The following RGS20 variants were observed in gnomAD, a reference collection of about 807,000 sequenced individuals.
RGS20 encodes gz-selective GTPase-activating protein.
RGS20 carries 30 observed loss-of-function variants against 33.6 expected under a neutral mutation model. The observed-to-expected ratio is 0.89, with a 90% CI of 0.67 to 1.21. RGS20 has a LOEUF of 1.21. Among genes scored for constraint, RGS20 ranks in the 50% most tolerant of loss-of-function variants. The pLI is 0.00. For missense variants in RGS20, 472 were observed against 502.4 expected, an observed-to-expected ratio of 0.94 and a Z score of 0.58; for synonymous variants, 208 against 197.9, an observed-to-expected ratio of 1.05 and a Z score of -0.43.
In RGS20 at chr8:53,895,341, T is replaced by A. The variant is rs139140889; in HGVS notation, c.510+15739T>A. 6.5e-3 allele frequency among the ~76,000 whole-genome samples: 983 copies of A among 152,204 alleles called. 8 individuals carry two copies. The highest frequency in any genetic ancestry group is 0.022 in the African/African-American group (929 of 41,520). ...GGTGCCAGGCAGCTGGTTGGATCTG[T>A]GTGTATGGCACCCAGGGAATGGCCT... On this transcript the variant is annotated intron_variant, in intron 2 of 5. Coordinates refer to ENST00000297313, the MANE Select transcript of RGS20 (RefSeq NM_170587.4).
chr8:53,949,522 G>A lies in RGS20; in HGVS notation c.743+2774G>A, dbSNP rs911984314. Among the ~76,000 whole-genome samples, 7 of 151,868 alleles carry A rather than the reference G, an allele frequency of 4.6e-5. No individual in the cohort carries two copies. In the East Asian group the frequency reaches 1.3e-3, roughly 29 times the overall value. ...ACCTGAGGTCAGGAGTTTGAGACCA[G>A]CCTGGCTGACATGGTGAAACCCCTT... On this transcript the variant is annotated intron_variant, in intron 4 of 5. Transcript: ENST00000297313.
chr8:53,909,223 A>G (rs1360983142), intron 2 of RGS20, among the ~76,000 whole-genome samples: 19 of 120,578 alleles, frequency 1.6e-4, no homozygotes, highest in African/African-American at 6.2e-4. Flanking sequence ...ATATATATAT[A>G]TATATATATA....
intron 2 of RGS20, 33 bp from the exon 1 acceptor site, chr8:53,880,839 C>T (rs899050657): frequency 9.4e-6 from 13 of 1,376,466 alleles, no homozygotes; most frequent in Admixed American, 3.1e-5. Context: ...ATTGCCCGGC[C>T]GGGTAAAAGG....
chr8:53,890,216 T>G (rs7839750), intron 2 of RGS20, among the ~76,000 whole-genome samples: 4,622 of 152,322 alleles, frequency 0.03, 244 homozygotes, highest in African/African-American at 0.1. Context: ...AATTAAGCTG[T>G]CTTCCTCTGT....
At chr8:53,895,123 T>C (rs996278591) in intron 2 of RGS20, among the ~76,000 whole-genome samples, 1 of 152,088 alleles carries the variant, frequency 6.6e-6, no homozygotes, top group African/African-American at 2.4e-5. Context: ...AGTGCAGGCC[T>C]GGCGTGAGTC....
chr8:53,902,934 C>T (rs945736109), intron 2 of RGS20, among the ~76,000 whole-genome samples: 3 of 152,146 alleles, frequency 2.0e-5, no homozygotes, highest in African/African-American at 7.2e-5. Context: ...CCATGATGGC[C>T]AGGCTGGGCT....
intron 2 of RGS20, among the ~76,000 whole-genome samples, chr8:53,899,085 C>T (rs1451113316): frequency 6.6e-6 from 1 of 152,228 alleles, no homozygotes; most frequent in East Asian, 1.9e-4. Flanking sequence ...AGAAGTCAGG[C>T]AGCTGGCCCC....
At chr8:53,948,111 T>C (rs1368753292) in intron 4 of RGS20, among the ~76,000 whole-genome samples, 1 of 135,404 alleles carries the variant, frequency 7.4e-6, no homozygotes, top group Non-Finnish European at 1.5e-5. Flanking sequence ...ATATGCTATA[T>C]ATAAGATGTA....
At chr8:53,948,062 ATATATATT>A (rs1184454708) in intron 4 of RGS20, among the ~76,000 whole-genome samples, 1 of 133,986 alleles carries the variant, frequency 7.5e-6, no homozygotes, top group Non-Finnish European at 1.5e-5. Context: ...AGGATATAGT[ATATATATT>A]TATATATGCT....
intron 3 of RGS20, among the ~76,000 whole-genome samples, chr8:53,942,599 G>A (rs1822467993): frequency 6.6e-6 from 1 of 152,130 alleles, no homozygotes; most frequent in Non-Finnish European, 1.5e-5. Flanking sequence ...TGGTTCTAAA[G>A]GGTATAGACA....
intron 2 of RGS20, among the ~76,000 whole-genome samples, chr8:53,918,534 C>T (rs961178411): frequency 2.0e-5 from 3 of 151,908 alleles, no homozygotes; most frequent in Non-Finnish European, 4.4e-5. Context: ...ACTACAGGTG[C>T]CCACCACCAC....
In RGS20 at chr8:53,953,998, A is replaced by G. The variant is rs563082452; in HGVS notation, c.744-78A>G. 7.2e-5 allele frequency: 70 copies of G among 976,132 alleles called. No homozygotes were observed. The South Asian group carries it at 8.3e-4, about 12-fold the overall frequency. 60.5% of individuals were successfully genotyped at this position (976,132 alleles called of 1,614,324 possible). ...TTTTTCATTCTTGGAGGAGGAAAAGATATGTTCCTAATGATGAATTCCAAT... is the reference window on the plus strand; with the variant it reads ...TTTTTCATTCTTGGAGGAGGAAAAGGTATGTTCCTAATGATGAATTCCAAT... On this transcript the variant is annotated intron_variant, in intron 4 of 5. Transcript: ENST00000297313.
intron 2 of RGS20, chr8:53,880,973 C>A (rs1563357054): frequency 6.3e-7 from 1 of 1,585,116 alleles, no homozygotes; most frequent in South Asian, 1.1e-5. Context: ...GTAGAGAGGG[C>A]AGCCCTCCGC....
chr8:53,887,397 C>G lies in RGS20; in HGVS notation c.510+7795C>G, dbSNP rs144327514. On this transcript the variant is annotated intron_variant, in intron 2 of 5. Coordinates refer to ENST00000297313, the MANE Select transcript of RGS20 (RefSeq NM_170587.4). ...ATTCGTTCCTTATCCTGGATATTGGCCTTTACATTTTTCTGTTGTATCCAA... is the reference window on the plus strand; with the variant it reads ...ATTCGTTCCTTATCCTGGATATTGGGCTTTACATTTTTCTGTTGTATCCAA... 2.4e-3 allele frequency among the ~76,000 whole-genome samples: 359 copies of G among 152,282 alleles called. 6 individuals are homozygous for G. The highest frequency in any genetic ancestry group is 8.0e-3 in the African/African-American group (331 of 41,560).
At chr8:53,870,982 G>T (rs996956513) in intron 1 of RGS20, among the ~76,000 whole-genome samples, 2 of 151,544 alleles carry the variant, frequency 1.3e-5, no homozygotes, top group Admixed American at 1.3e-4. Context: ...GTGGCGGCAG[G>T]AGCCTGTAAC....
chr8:53,905,076 C>A (rs1327581458), intron 2 of RGS20, among the ~76,000 whole-genome samples: 1 of 152,174 alleles, frequency 6.6e-6, no homozygotes, highest in African/African-American at 2.4e-5. Flanking sequence ...CACTGAAAAA[C>A]AGATGGTAAG....
intron 2 of RGS20, among the ~76,000 whole-genome samples, chr8:53,905,108 AG>A (rs1199052224): frequency 6.6e-6 from 1 of 152,254 alleles, no homozygotes; most frequent in Non-Finnish European, 1.5e-5. Context: ...GTTTTTTAAA[AG>A]ATGAGGACAT....
At chr8:53,956,853 A>G (rs1461695396) in intron 5 of RGS20, among the ~76,000 whole-genome samples, 1 of 152,146 alleles carries the variant, frequency 6.6e-6, no homozygotes, top group African/African-American at 2.4e-5. Flanking sequence ...AAAGTATTAT[A>G]CAACCAAAAA....
intron 5 of RGS20, among the ~76,000 whole-genome samples, chr8:53,957,521 A>G (rs1814902355): frequency 6.6e-6 from 1 of 152,246 alleles, no homozygotes; most frequent in African/African-American, 2.4e-5. Flanking sequence ...ACTCATCCCC[A>G]GAGCCCTGCC....
Sources: allele counts gnomAD v4.1 joint callset (sites outside exome capture counted in the v4.1 genomes callset), GRCh38; gene constraint gnomAD v4.1.1; transcripts MANE v1.5; gene names NCBI Gene and HGNC (gene_info 2026-07-23, HGNC 2026-07-21).